NR6A1: variants seen among roughly 807,000 people sequenced by gnomAD.
The protein encoded by NR6A1 is retinoic acid receptor-related testis-associated receptor.
A neutral mutation model predicts 59.1 loss-of-function variants in NR6A1; 7 were observed. The ratio of observed to expected loss-of-function variants is 0.12; its 90% CI spans 0.07 to 0.22. The LOEUF (loss-of-function observed/expected upper bound fraction) is 0.22. Ranked by LOEUF, NR6A1 falls within the 10% of genes least tolerant of loss-of-function variation. The pLI is 1.00. For missense variants in NR6A1, 468 were observed against 611.6 expected (o/e 0.77, Z 2.48); for synonymous variants, 243 against 236.1 (o/e 1.03, Z -0.27).
At chr9:124,629,670 T>C (rs1836366551) in intron 2 of NR6A1, among the ~76,000 whole-genome samples, 1 of 152,232 alleles carries the variant, frequency 6.6e-6, no homozygotes. Flanking sequence ...CTGATTGTTT[T>C]ACCTTCCTTT....
intron 2 of NR6A1, among the ~76,000 whole-genome samples, chr9:124,680,353 A>C (rs1838106879): frequency 6.6e-6 from 1 of 152,212 alleles, no homozygotes; most frequent in Non-Finnish European, 1.5e-5. Flanking sequence ...AAACCCACAT[A>C]GTAACAATAT....
intron 2 of NR6A1, among the ~76,000 whole-genome samples, chr9:124,628,080 T>A (rs962105348): frequency 6.6e-6 from 1 of 152,138 alleles, no homozygotes; most frequent in Non-Finnish European, 1.5e-5. Flanking sequence ...CAGGCTGGAA[T>A]GCAGCGGTGC....
At chr9:124,730,318 C>T (rs1839845999) in intron 2 of NR6A1, among the ~76,000 whole-genome samples, 1 of 152,088 alleles carries the variant, frequency 6.6e-6, no homozygotes, top group African/African-American at 2.4e-5. Flanking sequence ...CTGCAGCCTC[C>T]TCCTCCTTAA....
At position 124,748,686 on chromosome 9, in the gene NR6A1, C is replaced by T. The variant is rs186291993; in HGVS notation, c.101-15337G>A. Among the ~76,000 whole-genome samples, 1,235 of 151,456 alleles carry T rather than the reference C, an allele frequency of 8.2e-3. 15 individuals are homozygous for T. The highest frequency in any genetic ancestry group is 0.028 in the African/African-American group (1,177 of 41,308). On this transcript the variant is annotated intron_variant, in intron 1 of 9. Transcript: ENST00000487099. ...CCATCCTGGCTAACACGGTGAAACC[C>T]CGTCTCTATTAAAAATACAAAAAAA... is the stretch of plus-strand genomic sequence containing the variant.
At chr9:124,544,759 A>G (rs1257279429) in intron 3 of NR6A1, among the ~76,000 whole-genome samples, 2 of 152,196 alleles carry the variant, frequency 1.3e-5, no homozygotes, top group African/African-American at 4.8e-5. Flanking sequence ...ATAAGGGTGG[A>G]AAGGCCAATT....
intron 2 of NR6A1, among the ~76,000 whole-genome samples, chr9:124,585,295 C>T (rs897921910): frequency 3.5e-4 from 53 of 152,138 alleles, no homozygotes; most frequent in African/African-American, 1.2e-3. Flanking sequence ...AATCCCAGCA[C>T]TTTTGGAGGC....
intron 2 of NR6A1, among the ~76,000 whole-genome samples, chr9:124,604,022 A>G (rs1031307649): frequency 1.3e-5 from 2 of 152,252 alleles, no homozygotes; most frequent in African/African-American, 4.8e-5. Flanking sequence ...GGATAGGCAT[A>G]GGTAAAAGAA....
In NR6A1 at chr9:124,637,901, A is replaced by G. The variant is rs557439760; in HGVS notation, c.143-83331T>C. On this transcript the variant is annotated intron_variant, in intron 2 of 9. Transcript: ENST00000487099. ...AGTGAGACTCCCTCTCCAAAAAAAA[A>G]AAAAAAAAAAAGAAAAAAAGGGAAC... 5.4e-4 allele frequency among the ~76,000 whole-genome samples: 77 copies of G among 143,528 alleles called. 2 individuals carry two copies. The highest frequency in any genetic ancestry group is 2.1e-3 in the African/African-American group (74 of 35,686). 94.2% of individuals were successfully genotyped at this position (143,528 alleles called of 152,430 possible).
chr9:124,711,659 ATTACT>A (rs1270091277), intron 2 of NR6A1, among the ~76,000 whole-genome samples: 3 of 152,132 alleles, frequency 2.0e-5, no homozygotes, highest in Non-Finnish European at 4.4e-5. Flanking sequence ...GGTCTACTCT[ATTACT>A]TTAACCTTCT....
At chr9:124,662,335 C>T (rs967117053) in intron 2 of NR6A1, among the ~76,000 whole-genome samples, 1 of 152,144 alleles carries the variant, frequency 6.6e-6, no homozygotes, top group Non-Finnish European at 1.5e-5. Context: ...ACCTAGAAGT[C>T]ACTTGGTCTT....
In NR6A1 at chr9:124,520,447, C is replaced by T. The variant is rs1007409741; in HGVS notation, c.*2258G>A. ...GGCAACTTGCAGAACCTTTCCCCTA[C>T]TCCACAAATTAACAACTTGCTCTGT... On this transcript the variant is annotated 3_prime_UTR_variant, in exon 10 of 10. Coordinates refer to ENST00000487099, the MANE Select transcript of NR6A1 (RefSeq NM_033334.4). The T allele has an allele frequency of 2.0e-5, 3 of 152,358 alleles. No individual in the cohort carries two copies. Among genetic ancestry groups the T allele is most frequent in the Admixed American group, 6.5e-5 (1 of 15,302 alleles). 9.4% of individuals were successfully genotyped at this position (152,358 alleles called of 1,614,324 possible). A position where few individuals can be genotyped will look rare whatever the true frequency, so the allele number is the denominator to read the frequency against.
At chr9:124,558,526 A>G (rs1292442529) in intron 2 of NR6A1, among the ~76,000 whole-genome samples, 1 of 152,234 alleles carries the variant, frequency 6.6e-6, no homozygotes, top group East Asian at 1.9e-4. Context: ...TATGTGAAAA[A>G]TAACAACAGA....
At chr9:124,698,362 CCA>C (rs1437398586) in intron 2 of NR6A1, 1 of 152,050 alleles carries the variant, frequency 6.6e-6, no homozygotes, top group Non-Finnish European at 1.5e-5. Flanking sequence ...ATGGAAGAAT[CCA>C]CAGAGGAAAG....
At chr9:124,532,204 C>T (rs753055462) in intron 7 of NR6A1, among the ~76,000 whole-genome samples, 6 of 152,190 alleles carry the variant, frequency 3.9e-5, no homozygotes, top group African/African-American at 1.4e-4. Context: ...CACAAAATTG[C>T]TTTTGATTCC....
chr9:124,682,595 T>C (rs1157467561), intron 2 of NR6A1, among the ~76,000 whole-genome samples: 1 of 152,230 alleles, frequency 6.6e-6, no homozygotes, highest in Non-Finnish European at 1.5e-5. Flanking sequence ...TATTTTAAAA[T>C]GTTACTTATG....
intron 2 of NR6A1, among the ~76,000 whole-genome samples, chr9:124,713,181 T>C (rs1403852211): frequency 1.3e-5 from 2 of 152,160 alleles, no homozygotes; most frequent in Non-Finnish European, 2.9e-5. Context: ...CACATGGTAC[T>C]GATAAAATAA....
At chr9:124,676,660 T>C (rs1258195081) in intron 2 of NR6A1, among the ~76,000 whole-genome samples, 1 of 152,210 alleles carries the variant, frequency 6.6e-6, no homozygotes, top group Non-Finnish European at 1.5e-5. Context: ...AAAGTAGTGA[T>C]AATCCATTTG....
rs546516769 is a variant in NR6A1, at chr9:124,542,970, A to G, written c.441+832T>C. On this transcript the variant is annotated intron_variant, in intron 4 of 9. Transcript: ENST00000487099. ...CATGAAGCTCTTCTGCTGGCAAGTA[A>G]GAACAACGGGTAAGAACAAGTGGTG... 2.0e-5 allele frequency among the ~76,000 whole-genome samples: 3 copies of G among 152,328 alleles called. No homozygotes were observed. The South Asian group carries it at 6.2e-4, about 32-fold the overall frequency.
intron 2 of NR6A1, among the ~76,000 whole-genome samples, chr9:124,611,364 C>T (rs939057705): frequency 3.3e-5 from 5 of 152,074 alleles, no homozygotes; most frequent in African/African-American, 1.2e-4. Flanking sequence ...AGACAGAGTG[C>T]TTGCTCAGAC....
Sources: allele counts gnomAD v4.1 joint callset (sites outside exome capture counted in the v4.1 genomes callset), GRCh38; gene constraint gnomAD v4.1.1; transcripts MANE v1.5; gene names NCBI Gene and HGNC (gene_info 2026-07-23, HGNC 2026-07-21).